VSX2: variants seen among roughly 807,000 people sequenced by gnomAD.
The protein encoded by VSX2 is visual system homeobox 2.
Under a neutral mutation model 32.1 loss-of-function variants are expected in VSX2, and 28 were observed. The observed-to-expected ratio is 0.87, with a 90% CI of 0.65 to 1.20. The LOEUF (loss-of-function observed/expected upper bound fraction) is 1.20. Among genes scored for constraint, VSX2 ranks in the 50% most tolerant of loss-of-function variants. The probability of loss-of-function intolerance (pLI) is 0.00; values close to 1 mark genes in which losing one functional copy is unlikely to be tolerated. For missense variants in VSX2, 506 were observed against 488.7 expected (o/e 1.04, Z -0.33); for synonymous variants, 243 against 214.1 (o/e 1.14, Z -1.18).
intron 3 of VSX2, among the ~76,000 whole-genome samples, chr14:74,256,452 A>G (rs1696674032): frequency 6.6e-6 from 1 of 152,122 alleles, no homozygotes; most frequent in Non-Finnish European, 1.5e-5. Flanking sequence ...ATTACTTTCA[A>G]TGGCAAAAAC....
intron 3 of VSX2, among the ~76,000 whole-genome samples, chr14:74,254,034 A>C (rs917480524): frequency 6.6e-6 from 1 of 152,248 alleles, no homozygotes; most frequent in African/African-American, 2.4e-5. Flanking sequence ...TAGCTGCTGC[A>C]CCACAGTCCA....
intron 3 of VSX2, among the ~76,000 whole-genome samples, chr14:74,253,112 C>A (rs1467113939): frequency 6.6e-6 from 1 of 151,796 alleles, no homozygotes; most frequent in Non-Finnish European, 1.5e-5. Flanking sequence ...AAGGCCCTCC[C>A]AACTCACTTT....
At chr14:74,251,530 T>C (rs1184529197) in intron 3 of VSX2, among the ~76,000 whole-genome samples, 1 of 152,210 alleles carries the variant, frequency 6.6e-6, no homozygotes, top group Non-Finnish European at 1.5e-5. Flanking sequence ...CTCTAGGTGA[T>C]TCTGTGTGCA....
chr14:74,247,066 G>C (rs2079197216), intron 3 of VSX2, among the ~76,000 whole-genome samples: 1 of 152,050 alleles, frequency 6.6e-6, no homozygotes, highest in African/African-American at 2.4e-5. Context: ...TGTGAGGATT[G>C]GCTCTGCAAT....
chr14:74,240,975 C>T (rs2079146204), intron 1 of VSX2, among the ~76,000 whole-genome samples: 1 of 152,168 alleles, frequency 6.6e-6, no homozygotes, highest in Non-Finnish European at 1.5e-5. Context: ...GAAATCTGTT[C>T]AAAACCTCCG....
intron 3 of VSX2, among the ~76,000 whole-genome samples, chr14:74,258,394 G>A (rs150838438): frequency 6.6e-6 from 1 of 152,174 alleles, no homozygotes. Context: ...CTCTGCCGCG[G>A]GGGAGGGGGC....
At chr14:74,248,528 A>C (rs1296746757) in intron 3 of VSX2, among the ~76,000 whole-genome samples, 1 of 151,706 alleles carries the variant, frequency 6.6e-6, no homozygotes, top group Non-Finnish European at 1.5e-5. Flanking sequence ...TCTCTACAAA[A>C]AAAAATTTAA....
At chr14:74,246,171 C>T (rs1594754941) in intron 3 of VSX2, among the ~76,000 whole-genome samples, 1 of 152,378 alleles carries the variant, frequency 6.6e-6, no homozygotes, top group East Asian at 1.9e-4. Flanking sequence ...GGTGCTCAAC[C>T]TTCAATGAAA....
Position 74,260,577 on chromosome 14 carries a change from C to T in VSX2, c.761-17C>T. 3.1e-6 allele frequency: 5 copies of T among 1,587,908 alleles called. No homozygotes were observed. The highest frequency in any genetic ancestry group is 3.4e-6 in the Non-Finnish European group (4 of 1,167,222). ...CCAGGCGCTTTTCTAAACCCGAATA[C>T]CAACAATTCTTTCTAGGGATGCACA... is the stretch of plus-strand genomic sequence containing the variant. On this transcript the variant is annotated splice_polypyrimidine_tract_variant and intron_variant, in intron 4 of 4. Coordinates refer to ENST00000261980, the MANE Select transcript of VSX2 (RefSeq NM_182894.3).
Position 74,244,981 on chromosome 14 carries a change from TGAGAGA to T in VSX2, c.456-163_456-158del, listed in dbSNP as rs60714663. Among the ~76,000 whole-genome samples, 741 of 37,282 alleles carry T rather than the reference TGAGAGA, an allele frequency of 0.02. 26 individuals are homozygous for T. The highest frequency in any genetic ancestry group is 0.031 in the East Asian group (17 of 548). The allele number at this position is 37,282 out of a possible 152,430, so 24.5% of individuals were successfully genotyped here. On this transcript the variant is annotated intron_variant, in intron 2 of 4. Transcript: ENST00000261980. ...GTGTGTGTGTGTGTGTGTGTGTGTGTGAGAGAGAGAGAGAGAGAGAGAGAGACAGAG... is the reference window on the plus strand; with the variant it reads ...GTGTGTGTGTGTGTGTGTGTGTGTGTGAGAGAGAGAGAGAGAGAGACAGAG...
chr14:74,248,352 C>CA (rs1272271068), intron 3 of VSX2, among the ~76,000 whole-genome samples: 2,227 of 76,816 alleles, frequency 0.029, 49 homozygotes, highest in South Asian at 0.074. Flanking sequence ...AAAAAAAAAA[C>CA]AAAAAAAACC....
At chr14:74,243,146 G>A (rs1332925786) in intron 2 of VSX2, among the ~76,000 whole-genome samples, 1 of 152,178 alleles carries the variant, frequency 6.6e-6, no homozygotes, top group Non-Finnish European at 1.5e-5. Context: ...TTGGGGATTT[G>A]GGGTAAGAGA....
chr14:74,259,392 C>G (rs2079288390), intron 3 of VSX2, among the ~76,000 whole-genome samples: 1 of 147,744 alleles, frequency 6.8e-6, no homozygotes, highest in Admixed American at 6.6e-5. Flanking sequence ...CCCCATCTCC[C>G]TAGAACTACC....
chr14:74,260,968 GC>G lies in VSX2; in HGVS notation c.*52del. ...AGCCCCAAGACTCTGCTCTCCTCGGGCCCTGTGGTGCTGGGAGATGCTCTCT... is the reference window on the plus strand; with the variant it reads ...AGCCCCAAGACTCTGCTCTCCTCGGGCCTGTGGTGCTGGGAGATGCTCTCT... On this transcript the variant is annotated 3_prime_UTR_variant, in exon 5 of 5. Transcript: ENST00000261980. The G allele has an allele frequency of 6.5e-7, 1 of 1,543,192 alleles. No homozygotes were observed. Among genetic ancestry groups the G allele is most frequent in the Non-Finnish European group, 8.8e-7 (1 of 1,142,588 alleles).
At chr14:74,257,728 C>G (rs2079275774) in intron 3 of VSX2, among the ~76,000 whole-genome samples, 1 of 151,768 alleles carries the variant, frequency 6.6e-6, no homozygotes, top group Admixed American at 6.6e-5. Flanking sequence ...CCACTTCCCC[C>G]GAGCCCCGCC....
chr14:74,247,797 G>GT (rs956144429), intron 3 of VSX2, among the ~76,000 whole-genome samples: 4 of 117,656 alleles, frequency 3.4e-5, no homozygotes, highest in Non-Finnish European at 8.3e-5. Context: ...ACCAGGCACT[G>GT]TTTAAAAAAA....
At chr14:74,254,654 C>T (rs535219319) in intron 3 of VSX2, among the ~76,000 whole-genome samples, 2 of 152,270 alleles carry the variant, frequency 1.3e-5, no homozygotes, top group East Asian at 1.9e-4. Context: ...ACTTGCCTTC[C>T]GGGTAGGCTC....
In VSX2 at chr14:74,260,703, C is replaced by T. The variant is rs555041974; in HGVS notation, c.870C>T (p.Pro290=). The change falls in exon 5 of 5, where the codon CCC becomes CCT. Residue 290 remains proline, a synonymous_variant. Transcript: ENST00000261980. The part of the protein sequence containing the change: ...LDKMEQDERG[P]DAQAAISQEE... ...AGATGGAGCAGGACGAGCGGGGCCCCGACGCTCAGGCGGCCATCTCCCAGG... is the reference window on the plus strand; with the variant it reads ...AGATGGAGCAGGACGAGCGGGGCCCTGACGCTCAGGCGGCCATCTCCCAGG... 4.3e-5 allele frequency: 68 copies of T among 1,594,082 alleles called. 1 individual carries two copies. In the South Asian group the frequency reaches 5.6e-4, roughly 13 times the overall value.
chr14:74,241,190 G>A lies in VSX2; in HGVS notation c.379G>A (p.Asp127Asn). 6.2e-7 allele frequency: 1 copy of A among 1,613,360 alleles called. No homozygotes were observed. The highest frequency in any genetic ancestry group is 1.1e-5 in the South Asian group (1 of 91,082). Reference protein sequence around the residue: ...TSQTASSDSEDVSSSDRKMSK... With the variant: ...TSQTASSDSENVSSSDRKMSK... ...CTACGCCCGCTTTTCAGATTCTGAA[G>A]ATGTTTCCTCCAGCGATCGAAAAAT... The change falls in exon 2 of 5, where the codon GAT becomes AAT. Residue 127 changes from aspartate (D) to asparagine (N), a missense_variant. By Grantham distance (23) the Asp-to-Asn change is conservative. Transcript: ENST00000261980.
Sources: gnomAD v4.1 joint callset for allele counts (sites outside exome capture counted in the v4.1 genomes callset) on GRCh38, gnomAD v4.1.1 for gene constraint, MANE v1.5 for transcripts, NCBI Gene and HGNC (gene_info 2026-07-23, HGNC 2026-07-21) for gene names.